The following CAMTA1 variants were observed in gnomAD, a reference collection of about 807,000 sequenced individuals.
CAMTA1 encodes the protein calmodulin-binding transcription activator 1.
In CAMTA1, 27 loss-of-function variants were observed where a neutral mutation model predicts 170.9. The observed-to-expected ratio is 0.16, with a 90% CI of 0.12 to 0.22. The LOEUF (loss-of-function observed/expected upper bound fraction) is 0.22, where lower values mean the gene tolerates loss of function less well. Among genes scored for constraint, CAMTA1 ranks in the 10% least tolerant of loss-of-function variants. CAMTA1 has a pLI of 1.00. For missense variants in CAMTA1, 1,619 were observed against 2,217.2 expected (o/e 0.73, Z 5.42); for synonymous variants, 833 against 891.5 (o/e 0.93, Z 1.17).
intron 3 of CAMTA1, among the ~76,000 whole-genome samples, chr1:6,937,903 A>C (rs1032701915): frequency 3.3e-5 from 5 of 152,218 alleles, no homozygotes; most frequent in African/African-American, 1.2e-4. Context: ...CATCACCAAC[A>C]CTACCACCAC....
intron 3 of CAMTA1, among the ~76,000 whole-genome samples, chr1:6,880,735 GA>G (rs1671325031): frequency 1.3e-5 from 2 of 152,126 alleles, no homozygotes; most frequent in African/African-American, 4.8e-5. Flanking sequence ...ATATCTGTAT[GA>G]TCATGGGAGG....
At chr1:7,187,150 G>A (rs1402977027) in intron 4 of CAMTA1, among the ~76,000 whole-genome samples, 1 of 152,040 alleles carries the variant, frequency 6.6e-6, no homozygotes, top group East Asian at 1.9e-4. Flanking sequence ...TGGGTGCGGG[G>A]GCATTTGAAC....
chr1:6,876,796 A>T (rs1223563274), intron 3 of CAMTA1, among the ~76,000 whole-genome samples: 1 of 152,220 alleles, frequency 6.6e-6, no homozygotes, highest in Non-Finnish European at 1.5e-5. Context: ...TGAAGATCTT[A>T]GGTAATTTAG....
At chr1:7,336,542 T>C (rs911001825) in intron 5 of CAMTA1, among the ~76,000 whole-genome samples, 8 of 152,188 alleles carry the variant, frequency 5.3e-5, no homozygotes, top group African/African-American at 1.9e-4. Context: ...CAGGAGCATG[T>C]ACGTGTGATT....
At chr1:7,724,233 A>G (rs1024217546) in intron 11 of CAMTA1, among the ~76,000 whole-genome samples, 1 of 152,238 alleles carries the variant, frequency 6.6e-6, no homozygotes, top group African/African-American at 2.4e-5. Flanking sequence ...TAGATCCTGG[A>G]ACAGAAAAAG....
At chr1:7,049,723 G>A (rs886154677) in intron 3 of CAMTA1, among the ~76,000 whole-genome samples, 1 of 152,164 alleles carries the variant, frequency 6.6e-6, no homozygotes, top group African/African-American at 2.4e-5. Context: ...CTCCCAAAGT[G>A]CTGGGATCCC....
intron 5 of CAMTA1, among the ~76,000 whole-genome samples, chr1:7,420,681 C>G (rs2091503936): frequency 6.6e-6 from 1 of 152,184 alleles, no homozygotes; most frequent in Non-Finnish European, 1.5e-5. Flanking sequence ...GTATAACCTC[C>G]CAGTCCAAAT....
intron 6 of CAMTA1, among the ~76,000 whole-genome samples, chr1:7,598,964 T>C (rs1557980359): frequency 1.3e-5 from 2 of 152,236 alleles, no homozygotes; most frequent in South Asian, 4.1e-4. Flanking sequence ...TTTGTCAATT[T>C]TGGCTTTTGT....
intron 4 of CAMTA1, among the ~76,000 whole-genome samples, chr1:7,238,604 C>T (rs1481078595): frequency 6.6e-6 from 1 of 152,206 alleles, no homozygotes; most frequent in African/African-American, 2.4e-5. Context: ...CTGAGCAGGG[C>T]CAGGTGTGGT....
At chr1:7,162,212 G>A (rs928370557) in intron 4 of CAMTA1, among the ~76,000 whole-genome samples, 5 of 152,162 alleles carry the variant, frequency 3.3e-5, no homozygotes, top group African/African-American at 1.2e-4. Flanking sequence ...GACCATGTAT[G>A]GTCTTATAGG....
intron 6 of CAMTA1, among the ~76,000 whole-genome samples, chr1:7,542,838 A>AGTTTGTGT (rs745940570): frequency 1.1e-3 from 62 of 56,018 alleles, no homozygotes; most frequent in Middle Eastern, 7.6e-3. Flanking sequence ...CCTAAAACAC[A>AGTTTGTGT]GTGTGTGTGT....
At chr1:7,679,859 C>T (rs183500802) in intron 11 of CAMTA1, among the ~76,000 whole-genome samples, 9 of 152,352 alleles carry the variant, frequency 5.9e-5, no homozygotes, top group Non-Finnish European at 1.2e-4. Flanking sequence ...CAGATCAGGG[C>T]CCTGAAGGAC....
chr1:7,180,600 A>C (rs1226052224), intron 4 of CAMTA1, among the ~76,000 whole-genome samples: 1 of 132,520 alleles, frequency 7.5e-6, no homozygotes, highest in Non-Finnish European at 1.5e-5. Context: ...TGCAGCCTCC[A>C]TCTCCCAGGC....
At chr1:7,301,961 A>G (rs2149555922) in intron 5 of CAMTA1, among the ~76,000 whole-genome samples, 2 of 152,150 alleles carry the variant, frequency 1.3e-5, no homozygotes, top group South Asian at 4.2e-4. Context: ...GTGAGACCAG[A>G]GCTGTGGCTT....
chr1:7,009,127 G>A (rs1279803530), intron 3 of CAMTA1, among the ~76,000 whole-genome samples: 1 of 152,242 alleles, frequency 6.6e-6, no homozygotes, highest in Non-Finnish European at 1.5e-5. Context: ...GGAGGGGACA[G>A]CAGGGGCCTT....
At position 7,562,701 on chromosome 1, in the gene CAMTA1, G is replaced by A. The variant is rs1167461937; in HGVS notation, c.511-77699G>A. 2.0e-5 allele frequency among the ~76,000 whole-genome samples: 3 copies of A among 152,208 alleles called. No homozygotes were observed. Among genetic ancestry groups the A allele is most frequent in the African/African-American group, 4.8e-5 (2 of 41,454 alleles). On this transcript the variant is annotated intron_variant, in intron 6 of 22. Coordinates refer to ENST00000303635, the MANE Select transcript of CAMTA1 (RefSeq NM_015215.4). This position sits in a 1 kb window ranked among gnomAD's most constrained non-coding sequence, Gnocchi z 4.8. ...GTTTATCTGACCCCGCAGCTGGCAC[G>A]GAGATGCTGGGAGAAGGGTCTGATA...
chr1:7,107,566 A>G (rs1294244376), intron 4 of CAMTA1, among the ~76,000 whole-genome samples: 1 of 152,116 alleles, frequency 6.6e-6, no homozygotes, highest in Non-Finnish European at 1.5e-5. Flanking sequence ...AGGCCATGGA[A>G]TGCAAGAAGA....
At chr1:6,832,618 A>AC (rs1487213072) in intron 3 of CAMTA1, among the ~76,000 whole-genome samples, 3 of 152,166 alleles carry the variant, frequency 2.0e-5, no homozygotes, top group Admixed American at 1.3e-4. Flanking sequence ...GCTGAAAAGC[A>AC]CCAGTACTCT....
At chr1:7,766,042 A>AAACT (rs1558335819) in intron 22 of CAMTA1, among the ~76,000 whole-genome samples, 1 of 73,414 alleles carries the variant, frequency 1.4e-5, no homozygotes. Flanking sequence ...AAAAAAAAAA[A>AAACT]AAACTAAATA....
Sources: gnomAD v4.1 joint callset for allele counts (sites outside exome capture counted in the v4.1 genomes callset) on GRCh38, gnomAD v4.1.1 for gene constraint, Gnocchi (gnomAD v3.1) non-coding constraint, MANE v1.5 for transcripts, NCBI Gene and HGNC (gene_info 2026-07-23, HGNC 2026-07-21) for gene names.